The following ZNF804B variants were observed in gnomAD, a reference collection of about 807,000 sequenced individuals.
ZNF804B encodes the protein zinc finger protein 804B, also known as zinc finger 804B.
In ZNF804B, 80 loss-of-function variants were observed where a neutral mutation model predicts 101.4. That is an observed-to-expected ratio of 0.79 (90% confidence interval 0.66 to 0.95). The LOEUF (loss-of-function observed/expected upper bound fraction) is 0.95. Ranked by LOEUF, ZNF804B falls within the 40% of genes least tolerant of loss-of-function variation. The probability of loss-of-function intolerance (pLI) is 0.00; values close to 1 mark genes in which losing one functional copy is unlikely to be tolerated. For synonymous variants in ZNF804B, 622 were observed against 558.8 expected, an observed-to-expected ratio of 1.11 and a Z score of -1.59; for missense variants, 1,673 against 1,561.9, an observed-to-expected ratio of 1.07 and a Z score of -1.20.
chr7:88,936,223 T>C (rs1235300008), intron 1 of ZNF804B, among the ~76,000 whole-genome samples: 1 of 152,052 alleles, frequency 6.6e-6, no homozygotes. Flanking sequence ...CATTACACTA[T>C]CATTTTAATG....
chr7:89,126,574 G>T lies in ZNF804B; in HGVS notation c.109-91581G>T, dbSNP rs190172886. Among the ~76,000 whole-genome samples, 329 of 152,010 alleles carry T rather than the reference G, an allele frequency of 2.2e-3. 1 individual carries two copies. Among genetic ancestry groups the T allele is most frequent in the African/African-American group, 7.6e-3 (316 of 41,510 alleles). On this transcript the variant is annotated intron_variant, in intron 1 of 3. Transcript: ENST00000333190. ...GAGAATATCATTAATTATTGAAAAA[G>T]AAGTACCAGAATTTTACCTCTCATT...
intron 2 of ZNF804B, among the ~76,000 whole-genome samples, chr7:89,242,091 A>C (rs1763704676): frequency 6.6e-6 from 1 of 151,924 alleles, no homozygotes; most frequent in South Asian, 2.1e-4. Context: ...TTTCAATCAA[A>C]GTGCATAATC....
rs777741432 is a variant in ZNF804B, at chr7:89,333,992, C to T, written c.1010C>T (p.Thr337Ile). Residue 337 changes from threonine (T) to isoleucine (I), a missense_variant, in exon 4 of 4, where the codon ACT (threonine) becomes ATT (isoleucine). Transcript: ENST00000333190. Reference sequence around the variant, plus strand: ...ATTCATCTTTCAGATGTAGATTTTACTCCTACCAGCAGAGAAAAAGAAACT... The same window carrying T: ...ATTCATCTTTCAGATGTAGATTTTATTCCTACCAGCAGAGAAAAAGAAACT... Reference protein sequence around the residue: ...SNIHLSDVDFTPTSREKETRN... With the variant: ...SNIHLSDVDFIPTSREKETRN... The T allele has an allele frequency of 6.2e-7, 1 of 1,613,418 alleles. No individual in the cohort carries two copies. The highest frequency in any genetic ancestry group is 2.2e-5 in the East Asian group (1 of 44,860).
intron 1 of ZNF804B, among the ~76,000 whole-genome samples, chr7:88,892,214 A>G (rs1228902908): frequency 6.6e-6 from 1 of 152,026 alleles, no homozygotes; most frequent in Non-Finnish European, 1.5e-5. Context: ...TTATTTTCTA[A>G]TTTGTATGAT....
chr7:88,921,789 A>G (rs1431069493), intron 1 of ZNF804B, among the ~76,000 whole-genome samples: 2 of 152,080 alleles, frequency 1.3e-5, no homozygotes, highest in African/African-American at 2.4e-5. Context: ...AAAAATGTAT[A>G]TGTTTAGGAA....
chr7:89,271,349 G>A (rs1789890344), intron 2 of ZNF804B, among the ~76,000 whole-genome samples: 3 of 152,080 alleles, frequency 2.0e-5, no homozygotes, highest in Admixed American at 6.6e-5. Flanking sequence ...CTTTGGTTCT[G>A]TTTATATGCT....
chr7:89,335,635 AAAGTCAGGCCCATG>A lies in ZNF804B; in HGVS notation c.2658_2671del (p.Arg887Ter), dbSNP rs1791067807. The A allele has an allele frequency of 6.2e-7, 1 of 1,613,894 alleles. No individual in the cohort carries two copies. The highest frequency in any genetic ancestry group is 1.3e-5 in the African/African-American group (1 of 74,918). ...CAGCCCTCACATTTGTGATCTGGGA[AAAGTCAGGCCCATG>A]AAGTGTAACTCCGGGAATATCAGCT... On this transcript the variant is annotated frameshift_variant, in exon 4 of 4. Transcript: ENST00000333190. LOFTEE classifies it high-confidence loss of function.
chr7:88,911,878 A>G (rs989802465), intron 1 of ZNF804B, among the ~76,000 whole-genome samples: 26 of 151,914 alleles, frequency 1.7e-4, no homozygotes, highest in Middle Eastern at 3.4e-3. Context: ...ATTGCATTAT[A>G]TATATGTTAT....
chr7:89,259,505 T>G (rs1329311995), intron 2 of ZNF804B, among the ~76,000 whole-genome samples: 1 of 152,212 alleles, frequency 6.6e-6, no homozygotes, highest in Non-Finnish European at 1.5e-5. Context: ...AATGGTATAA[T>G]CCTTCCAGAC....
At position 88,854,533 on chromosome 7, in the gene ZNF804B, T is replaced by TTCCTTTCCTTTCCTTTCCTTCCCTTC. The variant is rs796987599; in HGVS notation, c.108+94449_108+94450insTCCTTTCCTTTCCTTTCCTTCCCTTC. On this transcript the variant is annotated intron_variant, in intron 1 of 3. Coordinates refer to ENST00000333190, the MANE Select transcript of ZNF804B (RefSeq NM_181646.5). ...TTTCCTTTCCTTTCCTTCCTTTCCT[T>TTCCTTTCCTTTCCTTTCCTTCCCTTC]CCTTCCTTCCTTCCTTCCTTCCTTC... 1.5e-4 allele frequency among the ~76,000 whole-genome samples: 12 copies of TTCCTTTCCTTTCCTTTCCTTCCCTTC among 78,194 alleles called. 1 individual carries two copies. Among genetic ancestry groups the TTCCTTTCCTTTCCTTTCCTTCCCTTC allele is most frequent in the East Asian group, 6.0e-4 (1 of 1,664 alleles). The allele number at this position is 78,194 out of a possible 152,430, so 51.3% of individuals were successfully genotyped here.
rs146089266 is a variant in ZNF804B at position 89,067,831 on chromosome 7, T to C, written c.109-150324T>C. 6.9e-3 allele frequency among the ~76,000 whole-genome samples: 1,020 copies of C among 148,780 alleles called. 13 individuals are homozygous for C. The highest frequency in any genetic ancestry group is 0.024 in the African/African-American group (968 of 40,276). On this transcript the variant is annotated intron_variant, in intron 1 of 3. Transcript: ENST00000333190. ...GCTAATTTTTTTCTTTTCTTTTCTT[T>C]TTTTTTTTTTGAGACAGAGTCTTAC...
At chr7:89,152,795 G>C (rs564364982) in intron 1 of ZNF804B, among the ~76,000 whole-genome samples, 1 of 151,968 alleles carries the variant, frequency 6.6e-6, no homozygotes, top group African/African-American at 2.4e-5. Context: ...ACTGCAAATT[G>C]ACATCTTTGT....
intron 1 of ZNF804B, among the ~76,000 whole-genome samples, chr7:88,937,138 T>C (rs2116035032): frequency 1.5e-5 from 2 of 134,658 alleles, no homozygotes; most frequent in South Asian, 4.5e-4. Flanking sequence ...AAAAAAGTAT[T>C]ATTGCTCTCC....
At chr7:89,298,214 G>GTATATATATATA (rs1187893918) in intron 2 of ZNF804B, among the ~76,000 whole-genome samples, 7 of 58,682 alleles carry the variant, frequency 1.2e-4, no homozygotes, top group Admixed American at 2.7e-4. Context: ...GTGTGTGTGT[G>GTATATATATATA]TGTATATATA....
intron 2 of ZNF804B, among the ~76,000 whole-genome samples, chr7:89,243,182 A>C (rs1033070289): frequency 9.2e-5 from 14 of 151,894 alleles, no homozygotes; most frequent in African/African-American, 3.4e-4. Context: ...TTGATACTGC[A>C]AAAAAATGGC....
At chr7:88,843,468 T>A (rs911715992) in intron 1 of ZNF804B, among the ~76,000 whole-genome samples, 6 of 152,142 alleles carry the variant, frequency 3.9e-5, no homozygotes, top group African/African-American at 1.4e-4. Context: ...CTGGGCGCGG[T>A]AGCTCACGCC....
At chr7:89,268,296 T>G (rs1209974185) in intron 2 of ZNF804B, among the ~76,000 whole-genome samples, 1 of 152,152 alleles carries the variant, frequency 6.6e-6, no homozygotes, top group Non-Finnish European at 1.5e-5. Flanking sequence ...TCTTTCTATG[T>G]TTTTATCATA....
intron 1 of ZNF804B, among the ~76,000 whole-genome samples, chr7:89,216,169 C>G (rs988267396): frequency 4.6e-5 from 7 of 151,906 alleles, no homozygotes; most frequent in African/African-American, 1.7e-4. Context: ...TAGCTGGGCG[C>G]GGTGGCGCGC....
intron 1 of ZNF804B, among the ~76,000 whole-genome samples, chr7:89,104,150 T>G (rs2116342871): frequency 6.6e-6 from 1 of 152,176 alleles, no homozygotes; most frequent in East Asian, 1.9e-4. Context: ...TGTGGAAGAT[T>G]TTTGCATCTA....
Sources: gnomAD v4.1 joint callset for allele counts (sites outside exome capture counted in the v4.1 genomes callset) on GRCh38, gnomAD v4.1.1 for gene constraint, MANE v1.5 for transcripts, NCBI Gene and HGNC (gene_info 2026-07-23, HGNC 2026-07-21) for gene names.